Variants in OCIAD1 observed in about 807,000 individuals in gnomAD.
OCIAD1 encodes OCIA domain-containing protein 1.
Under a neutral mutation model 38.9 loss-of-function variants are expected in OCIAD1, and 29 were observed. The ratio of observed to expected loss-of-function variants is 0.74; its 90% CI spans 0.55 to 1.02. OCIAD1 has a LOEUF of 1.02. OCIAD1 is among the 50% of genes least tolerant of loss of function. The pLI is 0.00. For synonymous variants in OCIAD1, 110 were observed against 92.0 expected, an observed-to-expected ratio of 1.20 and a Z score of -1.12; for missense variants, 288 against 289.6, an observed-to-expected ratio of 0.99 and a Z score of 0.04.
At chr4:48,826,735 CA>C (rs1439438340), upstream of OCIAD1, among the ~76,000 whole-genome samples, 1 of 152,092 alleles carries the variant, frequency 6.6e-6, no homozygotes, top group Non-Finnish European at 1.5e-5. Flanking sequence ...AAACCCAAAA[CA>C]AAAAATAACC....
At chr4:48,841,990 A>G (rs1778575839) in intron 3 of OCIAD1, among the ~76,000 whole-genome samples, 2 of 152,120 alleles carry the variant, frequency 1.3e-5, no homozygotes, top group Admixed American at 6.5e-5. Flanking sequence ...TATGTTTTGT[A>G]TTTTGGTTTA....
chr4:48,848,964 C>G (rs1177997299), intron 5 of OCIAD1, among the ~76,000 whole-genome samples: 2 of 151,946 alleles, frequency 1.3e-5, no homozygotes, highest in Non-Finnish European at 2.9e-5. Flanking sequence ...ACTATGCAGC[C>G]ATAAAAAAGG....
At chr4:48,810,130 T>A (rs1187776304) in intron 1 of OCIAD1, among the ~76,000 whole-genome samples, 4 of 152,138 alleles carry the variant, frequency 2.6e-5, no homozygotes, top group Non-Finnish European at 5.9e-5. Flanking sequence ...ATTATTATTA[T>A]CTCTGCCAAA....
At chr4:48,823,192 A>G (rs114897834) in intron 1 of OCIAD1, among the ~76,000 whole-genome samples, 2,926 of 152,276 alleles carry the variant, frequency 0.019, 93 homozygotes, top group African/African-American at 0.067. Context: ...CATACATACC[A>G]TGGAATACTA....
rs1248168534 is a variant in OCIAD1 at position 48,857,286 on chromosome 4, A to ATTAAAG, written c.621_622insTTAAAG (p.Arg207_Glu208insLeuLys). ...ATGAGGAATTAAGGAATAAGAACAG[A>ATTAAAG]GAGTCATATGAAGTATCTTTAACAC... On this transcript the variant is annotated inframe_insertion, in exon 8 of 9. Coordinates refer to ENST00000264312, the MANE Select transcript of OCIAD1 (RefSeq NM_017830.4). 6.2e-7 allele frequency: 1 copy of ATTAAAG among 1,600,372 alleles called. No individual in the cohort carries two copies. The highest frequency in any genetic ancestry group is 1.3e-5 in the African/African-American group (1 of 74,368).
chr4:48,850,506 T>A (rs1330996022), intron 6 of OCIAD1, among the ~76,000 whole-genome samples: 1 of 152,224 alleles, frequency 6.6e-6, no homozygotes, highest in Non-Finnish European at 1.5e-5. Context: ...GCTCAATCAG[T>A]CCTCCTGCTT....
At chr4:48,809,669 T>C (rs1384772627) in intron 1 of OCIAD1, among the ~76,000 whole-genome samples, 1 of 152,216 alleles carries the variant, frequency 6.6e-6, no homozygotes, top group Non-Finnish European at 1.5e-5. Flanking sequence ...CTCTAGCTAT[T>C]ACTAATAACA....
chr4:48,808,902 T>C (rs1777058415), intron 1 of OCIAD1, among the ~76,000 whole-genome samples: 1 of 152,162 alleles, frequency 6.6e-6, no homozygotes, highest in African/African-American at 2.4e-5. Flanking sequence ...TACCACCCAG[T>C]ACTGTTACCA....
rs1777448746 is a variant in OCIAD1, at chr4:48,831,183, ACCCTCCGGGCCTTCTGC to A, written c.-67_-51del. The A allele has an allele frequency of 3.2e-6, 1 of 308,766 alleles. No homozygotes were observed. Among genetic ancestry groups the A allele is most frequent in the African/African-American group, 2.3e-5 (1 of 44,006 alleles). 19.1% of individuals were successfully genotyped at this position (308,766 alleles called of 1,614,324 possible). ...TCCCTCCCTGCCCCCTCTCGAGTCC[ACCCTCCGGGCCTTCTGC>A]CCCTGATCGCTTGGTTTTCCTTGCA... On this transcript the variant is annotated 5_prime_UTR_variant, in exon 1 of 9. An upstream open reading frame in the 5' UTR loses its in-frame stop. Transcript: ENST00000264312.
chr4:48,834,771 C>A (rs867495087), intron 3 of OCIAD1, among the ~76,000 whole-genome samples: 2 of 151,966 alleles, frequency 1.3e-5, no homozygotes, highest in Non-Finnish European at 2.9e-5. Context: ...CAGAGCCAGA[C>A]CCTGTCTCAA....
chr4:48,814,898 T>C (rs1348059169), intron 1 of OCIAD1, among the ~76,000 whole-genome samples: 2 of 152,222 alleles, frequency 1.3e-5, no homozygotes, highest in Non-Finnish European at 2.9e-5. Flanking sequence ...CATGATTTTA[T>C]TGATGCTTCT....
chr4:48,838,770 T>C (rs1778246122), intron 3 of OCIAD1, among the ~76,000 whole-genome samples: 1 of 152,204 alleles, frequency 6.6e-6, no homozygotes, highest in Non-Finnish European at 1.5e-5. Context: ...TTTAGGTCTG[T>C]TAAAATACTT....
chr4:48,847,137 G>T (rs1336632909), intron 4 of OCIAD1, among the ~76,000 whole-genome samples: 1 of 152,096 alleles, frequency 6.6e-6, no homozygotes, highest in East Asian at 1.9e-4. Flanking sequence ...AGCCATTGTG[G>T]TAAATAAACA....
intron 6 of OCIAD1, among the ~76,000 whole-genome samples, chr4:48,850,456 G>A (rs578187952): frequency 2.0e-5 from 3 of 152,258 alleles, no homozygotes; most frequent in Admixed American, 2.0e-4. Flanking sequence ...ATGGAGATGG[G>A]GGTCTCACTA....
intron 5 of OCIAD1, among the ~76,000 whole-genome samples, chr4:48,849,435 G>A (rs893364799): frequency 2.6e-5 from 4 of 152,062 alleles, no homozygotes; most frequent in African/African-American, 9.7e-5. Context: ...TAAGTGCCAC[G>A]TTTAGGTTAT....
chr4:48,820,787 C>A (rs1007138360), intron 1 of OCIAD1, among the ~76,000 whole-genome samples: 3 of 151,982 alleles, frequency 2.0e-5, no homozygotes, highest in African/African-American at 7.2e-5. Context: ...GCAAATAAAC[C>A]CAGAAAATCT....
At chr4:48,857,507 A>G (rs981512156) in intron 8 of OCIAD1, 142 bp downstream of exon 8, 39 of 481,306 alleles carry the variant, frequency 8.1e-5, no homozygotes, top group African/African-American at 7.7e-4. Flanking sequence ...TTAAAATAGT[A>G]CTTTACAGTT....
intron 1 of OCIAD1, among the ~76,000 whole-genome samples, chr4:48,831,791 T>C (rs1201269593): frequency 1.3e-5 from 2 of 152,202 alleles, no homozygotes; most frequent in Non-Finnish European, 2.9e-5. Context: ...GGGGTTGGCA[T>C]GTAGTAGGCC....
intron 1 of OCIAD1, among the ~76,000 whole-genome samples, chr4:48,820,535 A>G (rs1302724326): frequency 6.6e-6 from 1 of 152,206 alleles, no homozygotes; most frequent in African/African-American, 2.4e-5. Context: ...AGCAGAAAAC[A>G]AGAAATAACT....
Sources: allele counts gnomAD v4.1 joint callset (sites outside exome capture counted in the v4.1 genomes callset), GRCh38; gene constraint gnomAD v4.1.1; transcripts MANE v1.5; gene names NCBI Gene and HGNC (gene_info 2026-07-23, HGNC 2026-07-21).